PVT1: variants seen among roughly 807,000 people sequenced by gnomAD.
PVT1 encodes CXCR4/PVT1 fusion.
intron 5 of PVT1, among the ~76,000 whole-genome samples, chr8:128,072,570 T>TA (rs1261695122): frequency 6.6e-6 from 1 of 152,196 alleles, no homozygotes; most frequent in African/African-American, 2.4e-5. Context: ...ACAAAAAGTC[T>TA]AAGAGTCATT....
At position 127,850,018 on chromosome 8, in the gene PVT1, T is replaced by C. The variant is rs7841716; in HGVS notation, n.373-40571T>C. Among the ~76,000 whole-genome samples, 120 of 130,492 alleles carry C rather than the reference T, an allele frequency of 9.2e-4. 19 individuals are homozygous for C. Among genetic ancestry groups the C allele is most frequent in the Middle Eastern group, 6.7e-3 (1 of 150 alleles). The allele number at this position is 130,492 out of a possible 152,430, so 85.6% of individuals were successfully genotyped here. On this transcript the variant is annotated intron_variant and non_coding_transcript_variant, in intron 2 of 10. Transcript: ENST00000651587. Reference sequence around the variant, plus strand: ...GTACATATGTGTATTTGTGCTCCTGTGTGCACGTGCATGGGTGCACAGCCT... The same window carrying C: ...GTACATATGTGTATTTGTGCTCCTGCGTGCACGTGCATGGGTGCACAGCCT...
intron 3 of PVT1, among the ~76,000 whole-genome samples, chr8:127,986,951 G>A (rs564198785): frequency 6.6e-6 from 1 of 152,326 alleles, no homozygotes; most frequent in South Asian, 2.1e-4. Context: ...CTTACAAGGA[G>A]GAGGGGACAG....
At chr8:127,843,338 CTG>C (rs756392104) in intron 2 of PVT1, among the ~76,000 whole-genome samples, 2 of 152,192 alleles carry the variant, frequency 1.3e-5, no homozygotes, top group Non-Finnish European at 2.9e-5. Flanking sequence ...GAGCGAGACT[CTG>C]TCTCAAAAAA....
intron 3 of PVT1, among the ~76,000 whole-genome samples, chr8:127,984,899 TTCTTTCTTTCTTTCTTTCTTTCTC>T: frequency 1.1e-5 from 1 of 94,422 alleles, no homozygotes; most frequent in East Asian, 2.5e-4. Flanking sequence ...CTTTCTTTCT[TTCTTTCTTTCTTTCTTTCTTTCTC>T]TTTCTCTTTC....
intron 2 of PVT1, among the ~76,000 whole-genome samples, chr8:127,877,511 G>T (rs1046281529): frequency 6.6e-6 from 1 of 152,084 alleles, no homozygotes; most frequent in Non-Finnish European, 1.5e-5. Flanking sequence ...CCTCTCAGGG[G>T]ACACATAGAC....
intron 1 of PVT1, among the ~76,000 whole-genome samples, chr8:127,794,928 G>C (rs1325372425): frequency 1.3e-5 from 2 of 151,982 alleles, no homozygotes; most frequent in Non-Finnish European, 2.9e-5. Context: ...TGAGGGGAGG[G>C]GGATGACACC....
intron 3 of PVT1, among the ~76,000 whole-genome samples, chr8:127,942,380 G>A (rs1816363756): frequency 6.6e-6 from 1 of 152,130 alleles, no homozygotes; most frequent in South Asian, 2.1e-4. Flanking sequence ...TGTTCTTGTT[G>A]ACCCATAGCC....
intron 5 of PVT1, among the ~76,000 whole-genome samples, chr8:128,094,938 C>G (rs901587749): frequency 1.3e-5 from 2 of 152,208 alleles, no homozygotes; most frequent in Non-Finnish European, 2.9e-5. Context: ...TCTTTTGCGT[C>G]TCGTGGTTCC....
At chr8:128,071,724 A>AATAAATAAAT (rs1813997505) in intron 5 of PVT1, among the ~76,000 whole-genome samples, 1 of 151,662 alleles carries the variant, frequency 6.6e-6, no homozygotes. Flanking sequence ...ATAAATAAAA[A>AATAAATAAAT]TAAAAGAAAT....
At position 127,960,937 on chromosome 8, in the gene PVT1, TGG is replaced by T. The variant is rs71566655; in HGVS notation, n.783-28221_783-28220del. Among the ~76,000 whole-genome samples the T allele has an allele frequency of 1.4e-3, 30 of 22,122 alleles. 1 individual carries two copies. The East Asian group carries it at 0.044, about 32-fold the overall frequency. The allele number at this position is 22,122 out of a possible 152,430, so 14.5% of individuals were successfully genotyped here. On this transcript the variant is annotated intron_variant and non_coding_transcript_variant, in intron 3 of 10. Transcript: ENST00000651587. ...TTTTTTGTTCTCTTGTGTGTGTGTT[TGG>T]GGGTGGGGGGGGCGGGCGGGCACGA...
chr8:127,960,565 T>A, intron 3 of PVT1: 1 of 412,664 alleles, frequency 2.4e-6, no homozygotes, highest in Non-Finnish European at 5.0e-6. Context: ...CTTTGTGGCC[T>A]TCTGGATGGA....
chr8:127,812,848 T>C (rs780775297), intron 2 of PVT1, among the ~76,000 whole-genome samples: 1 of 152,144 alleles, frequency 6.6e-6, no homozygotes, highest in African/African-American at 2.4e-5. Flanking sequence ...CTGGGAATTA[T>C]AGAAGCTTAA....
At chr8:127,868,784 T>TATACGTATATACATATATATATAC (rs1563625664) in intron 2 of PVT1, among the ~76,000 whole-genome samples, 1 of 84,194 alleles carries the variant, frequency 1.2e-5, no homozygotes, top group African/African-American at 8.0e-5. Flanking sequence ...TATATATATA[T>TATACGTATATACATATATATATAC]ATATATATAC....
intron 2 of PVT1, among the ~76,000 whole-genome samples, chr8:127,866,948 G>T (rs549322564): frequency 6.6e-6 from 1 of 152,316 alleles, no homozygotes; most frequent in East Asian, 1.9e-4. Context: ...AATGCTATGT[G>T]TGTTTGTGTG....
At chr8:127,979,467 C>A (rs533679059) in intron 3 of PVT1, among the ~76,000 whole-genome samples, 1 of 152,322 alleles carries the variant, frequency 6.6e-6, no homozygotes, top group South Asian at 2.1e-4. Context: ...TAAACCTTTG[C>A]GATGCAGGCT....
chr8:128,027,417 A>G lies in PVT1; in HGVS notation n.912+38126A>G, dbSNP rs575106712. On this transcript the variant is annotated intron_variant and non_coding_transcript_variant, in intron 4 of 10. Transcript: ENST00000651587. ...GTCAGAAGGGAACTTGGGTGGGGAC[A>G]GGCATCCTATATCCTGGGTTTACCC... Among the ~76,000 whole-genome samples the G allele has an allele frequency of 9.8e-5, 15 of 152,328 alleles. No homozygotes were observed. In the South Asian group the frequency reaches 2.7e-3, roughly 27 times the overall value.
At chr8:127,865,728 T>A (rs1452605910) in intron 2 of PVT1, among the ~76,000 whole-genome samples, 1 of 152,152 alleles carries the variant, frequency 6.6e-6, no homozygotes, top group African/African-American at 2.4e-5. Flanking sequence ...ATAATAAATG[T>A]GGGTGGATTT....
chr8:127,858,650 C>T (rs1815186710), intron 2 of PVT1, among the ~76,000 whole-genome samples: 1 of 151,672 alleles, frequency 6.6e-6, no homozygotes, highest in African/African-American at 2.4e-5. Flanking sequence ...GATTATTGTA[C>T]AAGGATTTCT....
chr8:127,983,115 C>T (rs1816903241), intron 3 of PVT1, among the ~76,000 whole-genome samples: 1 of 152,150 alleles, frequency 6.6e-6, no homozygotes, highest in African/African-American at 2.4e-5. Context: ...ACTTGGAGTA[C>T]CTGCCTCCCT....
Sources: allele counts gnomAD v4.1 joint callset (sites outside exome capture counted in the v4.1 genomes callset), GRCh38; gene constraint gnomAD v4.1.1; transcripts MANE v1.5; gene names NCBI Gene and HGNC (gene_info 2026-07-23, HGNC 2026-07-21).